The following MUL1 variants were observed in gnomAD, a reference collection of about 807,000 sequenced individuals.
MUL1 encodes mitochondrial E3 ubiquitin protein ligase 1.
A neutral mutation model predicts 34.1 loss-of-function variants in MUL1; 30 were observed. That is an observed-to-expected ratio of 0.88 (90% CI 0.66 to 1.19). The LOEUF is 1.19. MUL1 is among the 50% of genes most tolerant of loss of function. The probability of loss-of-function intolerance (pLI) is 0.00; values close to 1 mark genes in which losing one functional copy is unlikely to be tolerated. For missense variants in MUL1, 419 were observed against 450.5 expected, an observed-to-expected ratio of 0.93 and a Z score of 0.63; for synonymous variants, 191 against 187.8, an observed-to-expected ratio of 1.02 and a Z score of -0.14.
intron 1 of MUL1, among the ~76,000 whole-genome samples, chr1:20,503,818 G>A (rs1169946697): frequency 1.3e-5 from 2 of 151,974 alleles, no homozygotes; most frequent in African/African-American, 4.8e-5. Context: ...CAAAGCAGGG[G>A]GAGTTGCCTT....
intron 2 of MUL1, 101 bp from the exon 3 acceptor site, chr1:20,502,290 T>G: frequency 6.6e-7 from 1 of 1,504,732 alleles, no homozygotes; most frequent in African/African-American, 1.4e-5. Flanking sequence ...AGGTCACACC[T>G]ATAATCCCAA....
chr1:20,505,582 C>CAAAAAA (rs11338654), intron 1 of MUL1, among the ~76,000 whole-genome samples: 35 of 57,118 alleles, frequency 6.1e-4, no homozygotes, highest in South Asian at 8.5e-4. Flanking sequence ...GACCATGTCT[C>CAAAAAA]AAAAAAAAAA....
Position 20,500,455 on chromosome 1 carries a change from C to T in MUL1, c.*235G>A, listed in dbSNP as rs1363598861. On this transcript the variant is annotated 3_prime_UTR_variant, in exon 4 of 4. Transcript: ENST00000264198. ...TCCTGGGAGGAGACGCCACGGCATC[C>T]TCCCAGGGTGAGGCTCTGATGAGGC... is the stretch of plus-strand genomic sequence containing the variant. 1 of 483,186 alleles carries T rather than the reference C, an allele frequency of 2.1e-6. No individual in the cohort carries two copies. Among genetic ancestry groups the T allele is most frequent in the Non-Finnish European group, 3.6e-6 (1 of 277,910 alleles). 29.9% of individuals were successfully genotyped at this position (483,186 alleles called of 1,614,324 possible).
intron 1 of MUL1, among the ~76,000 whole-genome samples, chr1:20,506,926 A>T (rs2051720325): frequency 6.6e-6 from 1 of 152,076 alleles, no homozygotes; most frequent in South Asian, 2.1e-4. Context: ...AGAAAAAAAT[A>T]AAATCAAGAT....
At position 20,505,582 on chromosome 1, in the gene MUL1, CAAAAAAAA is replaced by C. The variant is rs11338654; in HGVS notation, c.121-2281_121-2274del. On this transcript the variant is annotated intron_variant, in intron 1 of 3. Transcript: ENST00000264198. ...TGGGCAACAGAGTAAGACCATGTCT[CAAAAAAAA>C]AAAAAAAAAAAAAAAAGAAGAGGAA... Among the ~76,000 whole-genome samples, 12 of 57,170 alleles carry C rather than the reference CAAAAAAAA, an allele frequency of 2.1e-4. No individual in the cohort carries two copies. The South Asian group carries it at 5.9e-3, about 28-fold the overall frequency. 37.5% of individuals were successfully genotyped at this position (57,170 alleles called of 152,430 possible).
At position 20,500,150 on chromosome 1, in the gene MUL1, A is replaced by G. The variant is rs2051638562; in HGVS notation, c.*540T>C. 1 of 152,894 alleles carries G rather than the reference A, an allele frequency of 6.5e-6. No individual in the cohort carries two copies. Among genetic ancestry groups the G allele is most frequent in the Admixed American group, 6.5e-5 (1 of 15,364 alleles). 9.5% of individuals were successfully genotyped at this position (152,894 alleles called of 1,614,324 possible). Reference sequence around the variant, plus strand: ...CAAGCAGGTGAGGGGAAAGGAACACAAGTTGACCTGCCCAGCCTGACAATT... The same window carrying G: ...CAAGCAGGTGAGGGGAAAGGAACACGAGTTGACCTGCCCAGCCTGACAATT... On this transcript the variant is annotated 3_prime_UTR_variant, in exon 4 of 4. Transcript: ENST00000264198.
intron 2 of MUL1, 151 bp from the exon 3 acceptor site, chr1:20,502,340 C>G: frequency 3.0e-6 from 3 of 1,007,086 alleles, no homozygotes; most frequent in Non-Finnish European, 2.9e-6. Flanking sequence ...CTTGGGGCCA[C>G]GAGTTTGAGA....
intron 1 of MUL1, among the ~76,000 whole-genome samples, chr1:20,504,353 A>C (rs889454279): frequency 6.6e-6 from 1 of 152,180 alleles, no homozygotes; most frequent in Non-Finnish European, 1.5e-5. Context: ...TAAAATCAAC[A>C]ATCATTTCCT....
Position 20,500,673 on chromosome 1 carries a change from G to C in MUL1, c.*17C>G, listed in dbSNP as rs2051646083. Reference sequence around the variant, plus strand: ...GGCAGGGGTGCTTCCAGGTCAAGCTGTGCGGCTTCCAAACTATTAGCTGTT... The same window carrying C: ...GGCAGGGGTGCTTCCAGGTCAAGCTCTGCGGCTTCCAAACTATTAGCTGTT... On this transcript the variant is annotated 3_prime_UTR_variant, in exon 4 of 4. Coordinates refer to ENST00000264198, the MANE Select transcript of MUL1 (RefSeq NM_024544.3). 6.5e-7 allele frequency: 1 copy of C among 1,540,068 alleles called. No individual in the cohort carries two copies. The highest frequency in any genetic ancestry group is 1.2e-5 in the South Asian group (1 of 80,154).
Position 20,501,545 on chromosome 1 carries a change from C to T in MUL1, c.330-126G>A, listed in dbSNP as rs2051660630. On this transcript the variant is annotated intron_variant, in intron 3 of 3. Transcript: ENST00000264198. The surrounding 1 kb of genome is among the most constrained non-coding windows in gnomAD (Gnocchi z 4.2). ...TAACTGGAAGAAGACAGTAAGATCA[C>T]TATCTCCAGTTGCCTCCTAACAAGG... The T allele has an allele frequency of 9.0e-7, 1 of 1,117,060 alleles. No homozygotes were observed. The highest frequency in any genetic ancestry group is 1.6e-5 in the African/African-American group (1 of 64,316). The allele number at this position is 1,117,060 out of a possible 1,614,324, so 69.2% of individuals were successfully genotyped here.
chr1:20,503,333 T>A, intron 1 of MUL1, 24 bp from the exon 2 acceptor site: 1 of 1,391,366 alleles, frequency 7.2e-7, no homozygotes, highest in Non-Finnish European at 9.9e-7. Flanking sequence ...AAAAATTAAA[T>A]TAATTGGCCA....
Position 20,501,473 on chromosome 1 carries a change from C to G in MUL1, c.330-54G>C. The G allele has an allele frequency of 6.4e-7, 1 of 1,556,026 alleles. No homozygotes were observed. Among genetic ancestry groups the G allele is most frequent in the Non-Finnish European group, 8.7e-7 (1 of 1,149,786 alleles). On this transcript the variant is annotated intron_variant, in intron 3 of 3. Transcript: ENST00000264198. The surrounding 1 kb of genome is among the most constrained non-coding windows in gnomAD (Gnocchi z 4.2). ...GGGTAGCAAACAGCAAACACCCAGG[C>G]AGAACTGGAGATCAACTAAATGTGG...
chr1:20,501,096 T>G lies in MUL1; in HGVS notation c.653A>C (p.Gln218Pro), dbSNP rs765839190. ...GAAGTCCTGGCTGCTTAGATAGTAC[T>G]GCATGCCTTGTTTGGGCGGCTGCAG... ...VRLQPPKQGM[Q>P]YYLSSQDFDS... The change falls in exon 4 of 4, where the codon CAG becomes CCG. Residue 218 changes from glutamine (Q) to proline (P), a missense_variant. Transcript: ENST00000264198. This position sits in a 1 kb window ranked among gnomAD's most constrained non-coding sequence, Gnocchi z 4.2. The G allele has an allele frequency of 5.6e-6, 9 of 1,614,048 alleles. No individual in the cohort carries two copies. Among genetic ancestry groups the G allele is most frequent in the Admixed American group, 1.7e-5 (1 of 60,008 alleles).
rs41265065 is a variant in MUL1 at position 20,501,333 on chromosome 1, A to G, written c.416T>C (p.Val139Ala). The G allele has an allele frequency of 1.9e-3, 3,064 of 1,614,162 alleles. 9 individuals are homozygous for G. The highest frequency in any genetic ancestry group is 2.1e-3 in the Non-Finnish European group (2,432 of 1,180,032). The change falls in exon 4 of 4, where the codon GTG (valine) becomes GCG (alanine). Residue 139 changes from valine to alanine, a missense_variant. Coordinates refer to ENST00000264198, the MANE Select transcript of MUL1 (RefSeq NM_024544.3). The surrounding 1 kb of genome is among the most constrained non-coding windows in gnomAD (Gnocchi z 4.2). ...TGAGTCCAGGGGCTTCAGCACTCGC[A>G]CAGCCACATCCACGCCATCCTCGTG... Reference protein sequence around the residue: ...VPHEDGVDVAVRVLKPLDSVD... With the variant: ...VPHEDGVDVAARVLKPLDSVD...
intron 1 of MUL1, 128 bp from the exon 2 acceptor site, chr1:20,503,437 A>G: frequency 1.7e-6 from 1 of 572,542 alleles, no homozygotes; most frequent in Non-Finnish European, 3.0e-6. Context: ...TTGGACAGGA[A>G]GGTGACTACT....
At chr1:20,506,146 A>T (rs953649077) in intron 1 of MUL1, among the ~76,000 whole-genome samples, 4 of 152,106 alleles carry the variant, frequency 2.6e-5, no homozygotes, top group African/African-American at 9.7e-5. Context: ...CCCACACATT[A>T]GTTTCTAAAC....
In MUL1 at chr1:20,500,649, G is replaced by A. The variant is rs764109912; in HGVS notation, c.*41C>T. 3.3e-5 allele frequency: 50 copies of A among 1,522,928 alleles called. No individual in the cohort carries two copies. The highest frequency in any genetic ancestry group is 4.4e-5 in the Non-Finnish European group (50 of 1,135,290). 94.3% of individuals were successfully genotyped at this position (1,522,928 alleles called of 1,614,324 possible). On this transcript the variant is annotated 3_prime_UTR_variant, in exon 4 of 4. Transcript: ENST00000264198. ...CGAGATAAAAATCCCTGAAAAGGGG[G>A]CAGGGGTGCTTCCAGGTCAAGCTGT...
chr1:20,506,205 A>T (rs1363125283), intron 1 of MUL1, among the ~76,000 whole-genome samples: 1 of 152,212 alleles, frequency 6.6e-6, no homozygotes, highest in Non-Finnish European at 1.5e-5. Context: ...TTAGGAATCC[A>T]TCTTTCATAT....
rs757615919 is a variant in MUL1 at position 20,502,083 on chromosome 1, T to C, written c.315A>G (p.Arg105=). The change falls in exon 3 of 4, where the codon CGA becomes CGG. Residue 105 remains arginine, a synonymous_variant. Coordinates refer to ENST00000264198, the MANE Select transcript of MUL1 (RefSeq NM_024544.3). ...GTGATACATACCAAAGGTGGGTGGT[T>C]CGATTCCACACCATCTTGTGCTCCT... ...TLQEHKMVWN[R]TTHLWNDCSK... The C allele has an allele frequency of 1.2e-6, 2 of 1,613,656 alleles. No individual in the cohort carries two copies. Among genetic ancestry groups the C allele is most frequent in the South Asian group, 1.1e-5 (1 of 91,068 alleles).
Sources: gnomAD v4.1 joint callset for allele counts (sites outside exome capture counted in the v4.1 genomes callset) on GRCh38, gnomAD v4.1.1 for gene constraint, Gnocchi (gnomAD v3.1) non-coding constraint, MANE v1.5 for transcripts, NCBI Gene and HGNC (gene_info 2026-07-23, HGNC 2026-07-21) for gene names.